The following PPARA variants were observed in gnomAD, a reference collection of about 807,000 sequenced individuals.
PPARA encodes peroxisome proliferator activated receptor alpha.
A neutral mutation model predicts 42.2 loss-of-function variants in PPARA; 22 were observed. The ratio of observed to expected loss-of-function variants is 0.52; its 90% CI spans 0.37 to 0.74. The LOEUF is 0.74. Among genes scored for constraint, PPARA ranks in the 30% least tolerant of loss-of-function variants. PPARA has a pLI of 0.00. For missense variants in PPARA, 465 were observed against 608.2 expected, an observed-to-expected ratio of 0.76 and a Z score of 2.48; for synonymous variants, 242 against 239.3, an observed-to-expected ratio of 1.01 and a Z score of -0.10.
Position 46,220,016 on chromosome 22 carries a change from T to C in PPARA, c.711+2T>C. ...TCAGGAAAGGCCAGTAACAATCCAG[T>C]AGGTGTTTGCGGCTGTTCTGGGTTC... is the stretch of plus-strand genomic sequence containing the variant. On this transcript the variant is annotated splice_donor_variant, in intron 7 of 8. Coordinates refer to ENST00000407236, the MANE Select transcript of PPARA (RefSeq NM_005036.6). LOFTEE classifies it high-confidence loss of function. 1 of 1,613,860 alleles carries C rather than the reference T, an allele frequency of 6.2e-7. No individual in the cohort carries two copies. The highest frequency in any genetic ancestry group is 1.1e-5 in the South Asian group (1 of 91,088).
chr22:46,152,923 A>G (rs1924667043), intron 2 of PPARA, among the ~76,000 whole-genome samples: 1 of 152,100 alleles, frequency 6.6e-6, no homozygotes, highest in African/African-American at 2.4e-5. Context: ...TGTCTCTACA[A>G]AAAAATAGAA....
rs188202247 is a variant in PPARA at position 46,163,011 on chromosome 22, A to C, written c.-127+11041A>C. Among the ~76,000 whole-genome samples the C allele has an allele frequency of 6.6e-6, 1 of 152,318 alleles. No individual in the cohort carries two copies. Among genetic ancestry groups the C allele is most frequent in the African/African-American group, 2.4e-5 (1 of 41,582 alleles). On this transcript the variant is annotated intron_variant, in intron 2 of 8. Transcript: ENST00000407236. This position sits in a 1 kb window ranked among gnomAD's most constrained non-coding sequence, Gnocchi z 4.9. ...GCAGGCATGATTCCCTGCCACTACC[A>C]ACCACTGCATCGCATAACTGGCAGA...
Position 46,232,217 on chromosome 22 carries a change from G to T in PPARA, c.1137G>T (p.Val379=), listed in dbSNP as rs771111466. The T allele has an allele frequency of 6.2e-7, 1 of 1,614,034 alleles. No individual in the cohort carries two copies. The change falls in exon 8 of 9, where the codon GTG becomes GTT. Residue 379 remains valine, a synonymous_variant. Transcript: ENST00000407236. The surrounding 1 kb of genome is among the most constrained non-coding windows in gnomAD (Gnocchi z 5.3). ...ELDDSDISLF[V]AAIICCGDRP... Reference sequence around the variant, plus strand: ...ATGACAGTGATATCTCCCTTTTTGTGGCTGCTATCATTTGCTGTGGAGGTG... The same window carrying T: ...ATGACAGTGATATCTCCCTTTTTGTTGCTGCTATCATTTGCTGTGGAGGTG...
In PPARA at chr22:46,221,055, G is replaced by A. The variant is rs1934959297; in HGVS notation, c.711+1041G>A. 7.3e-6 allele frequency among the ~76,000 whole-genome samples: 1 copy of A among 136,648 alleles called. No homozygotes were observed. Among genetic ancestry groups the A allele is most frequent in the Non-Finnish European group, 1.5e-5 (1 of 64,854 alleles). 89.6% of individuals were successfully genotyped at this position (136,648 alleles called of 152,430 possible). ...AAGAAAAGAGGTTTAATTGGCTCGTGGCCCACAAGGCTGTACAGGAAGCTT... is the reference window on the plus strand; with the variant it reads ...AAGAAAAGAGGTTTAATTGGCTCGTAGCCCACAAGGCTGTACAGGAAGCTT... On this transcript the variant is annotated intron_variant, in intron 7 of 8. Coordinates refer to ENST00000407236, the MANE Select transcript of PPARA (RefSeq NM_005036.6). The surrounding 1 kb of genome is among the most constrained non-coding windows in gnomAD (Gnocchi z 5.9).
In PPARA at chr22:46,241,815, C is replaced by CAG. The variant is rs1307087542; in HGVS notation, c.*6437_*6438dup. ...TCCTTTGCCAACAAAAACAGACCAA[C>CAG]AGACCAGATGGTGTCCATGTTCAAT... On this transcript the variant is annotated 3_prime_UTR_variant, in exon 9 of 9. Coordinates refer to ENST00000407236, the MANE Select transcript of PPARA (RefSeq NM_005036.6). The surrounding 1 kb of genome is among the most constrained non-coding windows in gnomAD (Gnocchi z 5.7). 1 of 150,392 alleles carries CAG rather than the reference C, an allele frequency of 6.6e-6. No homozygotes were observed. The allele number at this position is 150,392 out of a possible 1,614,324, so 9.3% of individuals were successfully genotyped here.
intron 4 of PPARA, among the ~76,000 whole-genome samples, chr22:46,214,227 G>A (rs993087304): frequency 2.0e-5 from 3 of 152,202 alleles, no homozygotes; most frequent in African/African-American, 7.2e-5. Flanking sequence ...TGAGGTATGG[G>A]CGGTATGGCA....
At chr22:46,218,894 G>A (rs960098564) in intron 6 of PPARA, among the ~76,000 whole-genome samples, 1 of 150,206 alleles carries the variant, frequency 6.7e-6, no homozygotes, top group African/African-American at 2.5e-5. Flanking sequence ...CAGGTGCGGT[G>A]GTTCACACCT....
intron 7 of PPARA, among the ~76,000 whole-genome samples, chr22:46,226,777 G>A (rs1935493985): frequency 6.6e-6 from 1 of 152,122 alleles, no homozygotes; most frequent in Non-Finnish European, 1.5e-5. Context: ...GGAGGCCGAG[G>A]CAGGAGGATG....
chr22:46,159,070 T>G (rs1925751525), intron 2 of PPARA, among the ~76,000 whole-genome samples: 1 of 152,094 alleles, frequency 6.6e-6, no homozygotes, highest in Non-Finnish European at 1.5e-5. Context: ...TTGTATTTTT[T>G]AGTGGAGACG....
In PPARA at chr22:46,184,814, C is replaced by T. The variant is rs142420249; in HGVS notation, c.-43+7978C>T. Among the ~76,000 whole-genome samples the T allele has an allele frequency of 2.0e-5, 3 of 152,328 alleles. No homozygotes were observed. The highest frequency in any genetic ancestry group is 2.9e-5 in the Non-Finnish European group (2 of 68,024). ...AGGTTGCAGTGAGCTGAGATTGTGT[C>T]ACTGCACTCCAGCCTACGCGACAGA... is the stretch of plus-strand genomic sequence containing the variant. On this transcript the variant is annotated intron_variant, in intron 3 of 8. Coordinates refer to ENST00000407236, the MANE Select transcript of PPARA (RefSeq NM_005036.6). This position sits in a 1 kb window ranked among gnomAD's most constrained non-coding sequence, Gnocchi z 4.4.
intron 4 of PPARA, among the ~76,000 whole-genome samples, chr22:46,205,695 T>C (rs534156787): frequency 1.3e-5 from 2 of 149,718 alleles, no homozygotes; most frequent in Non-Finnish European, 3.0e-5. Context: ...GCCTCTTTAG[T>C]AGCTGGGATT....
rs1933233383 is a variant in PPARA at position 46,205,671 on chromosome 22, A to T, written c.208+7080A>T. 4.9e-5 allele frequency among the ~76,000 whole-genome samples: 7 copies of T among 143,684 alleles called. No individual in the cohort carries two copies. In the Admixed American group the frequency reaches 5.0e-4, roughly 10 times the overall value. 94.3% of individuals were successfully genotyped at this position (143,684 alleles called of 152,430 possible). A position where few individuals can be genotyped will look rare whatever the true frequency, so the allele number is the denominator to read the frequency against. On this transcript the variant is annotated intron_variant, in intron 4 of 8. Coordinates refer to ENST00000407236, the MANE Select transcript of PPARA (RefSeq NM_005036.6). ...AACCTCCTTCTCTGAGGTTCAAGTA[A>T]TTCTCATGCCTCAGCCTCTTTAGTA...
rs566188194 is a variant in PPARA, at chr22:46,232,612, C to G, written c.1159+373C>G. Among the ~76,000 whole-genome samples, 1 of 151,528 alleles carries G rather than the reference C, an allele frequency of 6.6e-6. No homozygotes were observed. The highest frequency in any genetic ancestry group is 2.1e-4 in the South Asian group (1 of 4,802). On this transcript the variant is annotated intron_variant, in intron 8 of 8. Transcript: ENST00000407236. The surrounding 1 kb of genome is among the most constrained non-coding windows in gnomAD (Gnocchi z 5.3). Reference sequence around the variant, plus strand: ...AGGTTGCAATGAGTTATGAATGCACCACTGCACTCTAGCCTGGGCAACAGA... The same window carrying G: ...AGGTTGCAATGAGTTATGAATGCACGACTGCACTCTAGCCTGGGCAACAGA...
chr22:46,159,891 G>A (rs150506209), intron 2 of PPARA, among the ~76,000 whole-genome samples: 54 of 152,320 alleles, frequency 3.5e-4, no homozygotes, highest in Admixed American at 5.9e-4. Context: ...TGACACTGAG[G>A]GTGGGTTGTG....
Position 46,232,379 on chromosome 22 carries a change from C to T in PPARA, c.1159+140C>T, listed in dbSNP as rs1020095193. On this transcript the variant is annotated intron_variant, in intron 8 of 8. Coordinates refer to ENST00000407236, the MANE Select transcript of PPARA (RefSeq NM_005036.6). This position sits in a 1 kb window ranked among gnomAD's most constrained non-coding sequence, Gnocchi z 5.3. ...ACATGGTGGGAAGACGTCTGACCCCCAGTCACTGCTGAGAATTCAGTGGGA... is the reference window on the plus strand; with the variant it reads ...ACATGGTGGGAAGACGTCTGACCCCTAGTCACTGCTGAGAATTCAGTGGGA... 13 of 780,030 alleles carry T rather than the reference C, an allele frequency of 1.7e-5. No individual in the cohort carries two copies. Among genetic ancestry groups the T allele is most frequent in the Non-Finnish European group, 2.7e-5 (12 of 443,642 alleles). 48.3% of individuals were successfully genotyped at this position (780,030 alleles called of 1,614,324 possible).
Position 46,163,998 on chromosome 22 carries a change from A to G in PPARA, c.-127+12028A>G, listed in dbSNP as rs914216385. On this transcript the variant is annotated intron_variant, in intron 2 of 8. Transcript: ENST00000407236. The surrounding 1 kb of genome is among the most constrained non-coding windows in gnomAD (Gnocchi z 4.9). ...TGGGAGGCTGAGGCGGGCGGATCAC[A>G]TGAGGTCAGGAGTTCAAGACCAGCC... is the stretch of plus-strand genomic sequence containing the variant. The G allele has an allele frequency of 2.6e-5, 4 of 151,976 alleles. No homozygotes were observed. Among genetic ancestry groups the G allele is most frequent in the African/African-American group, 9.7e-5 (4 of 41,342 alleles). The allele number at this position is 151,976 out of a possible 1,614,324, so 9.4% of individuals were successfully genotyped here.
Position 46,192,254 on chromosome 22 carries a change from A to C in PPARA, c.-42-6088A>C, listed in dbSNP as rs79400941. On this transcript the variant is annotated intron_variant, in intron 3 of 8. Coordinates refer to ENST00000407236, the MANE Select transcript of PPARA (RefSeq NM_005036.6). The surrounding 1 kb of genome is among the most constrained non-coding windows in gnomAD (Gnocchi z 4.3). ...CAGGGCTACACCAGAATTGGGCCCAAGATGCTGCAGGAATCTATAGGTGAA... is the reference window on the plus strand; with the variant it reads ...CAGGGCTACACCAGAATTGGGCCCACGATGCTGCAGGAATCTATAGGTGAA... Among the ~76,000 whole-genome samples the C allele has an allele frequency of 0.01, 1,551 of 152,356 alleles. 12 individuals carry two copies. Among genetic ancestry groups the C allele is most frequent in the Non-Finnish European group, 0.016 (1,061 of 68,030 alleles).
intron 2 of PPARA, among the ~76,000 whole-genome samples, chr22:46,174,007 C>CCTAGCCAACATGGTGAAACCCCG (rs58905114): frequency 7.4e-5 from 11 of 148,090 alleles, no homozygotes; most frequent in African/African-American, 2.8e-4. Flanking sequence ...GATCGAGACC[C>CCTAGCCAACATGGTGAAACCCCG]TCTCTACTAA....
chr22:46,205,554 ATTTTTTTTTTTTTT>A (rs1322589111), intron 4 of PPARA, among the ~76,000 whole-genome samples: 1 of 12,932 alleles, frequency 7.7e-5, no homozygotes, highest in Non-Finnish European at 1.5e-4. Flanking sequence ...ATATATATAT[ATTTTTTTTTTTTTT>A]TTTTTTTTTT....
Sources: allele counts gnomAD v4.1 joint callset (sites outside exome capture counted in the v4.1 genomes callset), GRCh38; gene constraint gnomAD v4.1.1; non-coding constraint Gnocchi (gnomAD v3.1); transcripts MANE v1.5; gene names NCBI Gene and HGNC (gene_info 2026-07-23, HGNC 2026-07-21).